UBE2K: variants seen among roughly 807,000 people sequenced by gnomAD.
UBE2K encodes the protein ubiquitin-conjugating enzyme E2 K.
A neutral mutation model predicts 30.0 loss-of-function variants in UBE2K; 6 were observed. That is an observed-to-expected ratio of 0.20 (90% CI 0.11 to 0.39). UBE2K has a LOEUF of 0.39. Among genes scored for constraint, UBE2K ranks in the 10% least tolerant of loss-of-function variants. The probability of loss-of-function intolerance (pLI) is 1.00; values close to 1 mark genes in which losing one functional copy is unlikely to be tolerated. For missense variants in UBE2K, 61 were observed against 241.6 expected (o/e 0.25, Z 4.96); for synonymous variants, 86 against 83.7 (o/e 1.03, Z -0.15).
intron 1 of UBE2K, among the ~76,000 whole-genome samples, chr4:39,704,439 AAT>A (rs1424103939): frequency 6.6e-6 from 1 of 152,028 alleles, no homozygotes; most frequent in African/African-American, 2.4e-5. Context: ...CTGTGCAGGT[AAT>A]ATGTTTGGGG....
intron 5 of UBE2K, among the ~76,000 whole-genome samples, 173 bp from the exon 6 acceptor site, chr4:39,777,509 A>G (rs1225861311): frequency 6.6e-6 from 1 of 152,232 alleles, no homozygotes; most frequent in Non-Finnish European, 1.5e-5. Flanking sequence ...TCGAAGCTTC[A>G]GGTTAAGTGG....
intron 2 of UBE2K, among the ~76,000 whole-genome samples, chr4:39,743,497 G>A (rs986409918): frequency 1.3e-5 from 2 of 152,022 alleles, no homozygotes; most frequent in Admixed American, 6.5e-5. Context: ...CCAGCTAATC[G>A]GGAGGCTGAG....
intron 2 of UBE2K, among the ~76,000 whole-genome samples, chr4:39,738,458 T>G (rs1374564507): frequency 6.6e-6 from 1 of 152,206 alleles, no homozygotes; most frequent in Non-Finnish European, 1.5e-5. Flanking sequence ...CAGAATTGAC[T>G]TAATATTGGA....
chr4:39,716,642 C>T (rs1229187449), intron 1 of UBE2K, among the ~76,000 whole-genome samples: 1 of 152,170 alleles, frequency 6.6e-6, no homozygotes, highest in Non-Finnish European at 1.5e-5. Context: ...AGGAGGATTG[C>T]TTGAGCCCAG....
At chr4:39,770,546 C>T (rs905946638) in intron 4 of UBE2K, 10 of 1,595,700 alleles carry the variant, frequency 6.3e-6, no homozygotes, top group African/African-American at 4.0e-5. Context: ...CCATGGCCGC[C>T]GCTGCTGCTT....
chr4:39,731,264 G>A (rs930601869), intron 1 of UBE2K, among the ~76,000 whole-genome samples: 1 of 151,998 alleles, frequency 6.6e-6, no homozygotes, highest in Non-Finnish European at 1.5e-5. Context: ...ATATTGTATT[G>A]GATACTGCTC....
chr4:39,715,033 T>A (rs1001219168), intron 1 of UBE2K, among the ~76,000 whole-genome samples: 1 of 150,476 alleles, frequency 6.6e-6, no homozygotes, highest in African/African-American at 2.4e-5. Context: ...TAATTTTTTT[T>A]TTTTTTTTTT....
chr4:39,741,286 T>G (rs1004382103), intron 2 of UBE2K, among the ~76,000 whole-genome samples: 1 of 152,108 alleles, frequency 6.6e-6, no homozygotes, highest in Non-Finnish European at 1.5e-5. Flanking sequence ...AAAAAAGTGC[T>G]TATTTCTGCT....
rs11931904 is a variant in UBE2K at position 39,748,700 on chromosome 4, G to C, written c.216+2890G>C. 1.0e-3 allele frequency among the ~76,000 whole-genome samples: 157 copies of C among 151,636 alleles called. No homozygotes were observed. In the Middle Eastern group the frequency reaches 0.014, roughly 13 times the overall value. ...CGTTTGGAGGTAGCTTTGACATTTA[G>C]AAACATCTTCTTAGGTTCAACCCCA... On this transcript the variant is annotated intron_variant, in intron 3 of 6. Transcript: ENST00000261427.
chr4:39,743,128 G>A (rs1201827582), intron 2 of UBE2K, among the ~76,000 whole-genome samples: 1 of 152,070 alleles, frequency 6.6e-6, no homozygotes, highest in Admixed American at 6.6e-5. Context: ...CAGATTCATA[G>A]TCATCCATCC....
At position 39,782,094 on chromosome 4, in the gene UBE2K, T is replaced by G. The variant is rs1207560235; in HGVS notation, c.*3660T>G. ...CTTGTCCCATTTGTTCTGTTACTGC[T>G]TCATTGGACTGATACACCCTCATGA... is the stretch of plus-strand genomic sequence containing the variant. On this transcript the variant is annotated 3_prime_UTR_variant, in exon 7 of 7. Transcript: ENST00000261427. The G allele has an allele frequency of 2.5e-6, 1 of 396,492 alleles. No individual in the cohort carries two copies. Among genetic ancestry groups the G allele is most frequent in the African/African-American group, 2.1e-5 (1 of 48,606 alleles). The allele number at this position is 396,492 out of a possible 1,614,324, so 24.6% of individuals were successfully genotyped here. A position where few individuals can be genotyped will look rare whatever the true frequency, so the allele number is the denominator to read the frequency against.
Position 39,780,383 on chromosome 4 carries a change from TA to T in UBE2K, c.*1950del, listed in dbSNP as rs1314998313. ...AAATATCAGACACATCTACCCAGTT[TA>T]TTTTTTGCCTGTATTATCAGGGTAT... On this transcript the variant is annotated 3_prime_UTR_variant, in exon 7 of 7. Transcript: ENST00000261427. The T allele has an allele frequency of 6.6e-6, 1 of 152,138 alleles. No homozygotes were observed. The highest frequency in any genetic ancestry group is 1.5e-5 in the Non-Finnish European group (1 of 67,978). 9.4% of individuals were successfully genotyped at this position (152,138 alleles called of 1,614,324 possible).
chr4:39,717,763 G>C (rs2109322167), intron 1 of UBE2K, among the ~76,000 whole-genome samples: 1 of 152,196 alleles, frequency 6.6e-6, no homozygotes, highest in East Asian at 1.9e-4. Flanking sequence ...GGCGTGTCCG[G>C]AGTTTGTTCC....
chr4:39,759,687 A>G (rs898557595), intron 4 of UBE2K, among the ~76,000 whole-genome samples: 3 of 152,230 alleles, frequency 2.0e-5, no homozygotes, highest in Non-Finnish European at 4.4e-5. Context: ...TACCTGGGGA[A>G]GAAAATGGCA....
chr4:39,714,550 A>ATATATATATATTTTTTTTTT, intron 1 of UBE2K: 2 of 17,850 alleles, frequency 1.1e-4, no homozygotes, highest in African/African-American at 4.9e-4. Flanking sequence ...ATATATATAT[A>ATATATATATATTTTTTTTTT]TTTTTTTTTT....
At chr4:39,711,426 T>A (rs1718673799) in intron 1 of UBE2K, among the ~76,000 whole-genome samples, 1 of 151,888 alleles carries the variant, frequency 6.6e-6, no homozygotes, top group South Asian at 2.1e-4. Context: ...CCTCCCAAAG[T>A]GCTGAGATTA....
chr4:39,708,128 G>T (rs892868386), intron 1 of UBE2K, among the ~76,000 whole-genome samples: 3 of 151,958 alleles, frequency 2.0e-5, no homozygotes, highest in Non-Finnish European at 2.9e-5. Flanking sequence ...TCGAACTCCG[G>T]GACTCAGGTG....
chr4:39,706,641 T>C (rs1718383488), intron 1 of UBE2K, among the ~76,000 whole-genome samples: 1 of 151,592 alleles, frequency 6.6e-6, no homozygotes, highest in Admixed American at 6.6e-5. Context: ...AGCCAATTTT[T>C]TATATTGTTA....
chr4:39,765,867 G>A (rs148617934), intron 4 of UBE2K, among the ~76,000 whole-genome samples: 1 of 152,130 alleles, frequency 6.6e-6, no homozygotes, highest in African/African-American at 2.4e-5. Context: ...CAGCACTTTG[G>A]GAGGCCGAGG....
Sources: gnomAD v4.1 joint callset for allele counts (sites outside exome capture counted in the v4.1 genomes callset) on GRCh38, gnomAD v4.1.1 for gene constraint, MANE v1.5 for transcripts, NCBI Gene and HGNC (gene_info 2026-07-23, HGNC 2026-07-21) for gene names.